PCNX2: variants seen among roughly 807,000 people sequenced by gnomAD.
PCNX2 encodes the protein pecanex-like protein 2.
PCNX2 carries 168 observed loss-of-function variants against 223.8 expected under a neutral mutation model. The observed-to-expected ratio is 0.75, with a 90% CI of 0.66 to 0.85. PCNX2 has a LOEUF of 0.85. PCNX2 is among the 40% of genes least tolerant of loss of function. The pLI is 0.00. For missense variants in PCNX2, 2,507 were observed against 2,675.5 expected (o/e 0.94, Z 1.39); for synonymous variants, 1,006 against 1,052.6 (o/e 0.96, Z 0.86).
chr1:233,270,089 C>T (rs912601282), intron 1 of PCNX2, among the ~76,000 whole-genome samples: 1 of 151,348 alleles, frequency 6.6e-6, no homozygotes, highest in African/African-American at 2.4e-5. Flanking sequence ...ATTCCTTTCA[C>T]AGGTAAATGT....
chr1:233,166,508 G>A (rs1462238347), intron 17 of PCNX2, among the ~76,000 whole-genome samples: 2 of 152,014 alleles, frequency 1.3e-5, no homozygotes, highest in Non-Finnish European at 2.9e-5. Flanking sequence ...ATTCAACAAA[G>A]GACATTTACC....
chr1:232,984,785 G>A (rs1201418128), intron 33 of PCNX2: 1 of 285,118 alleles, frequency 3.5e-6, no homozygotes, highest in Non-Finnish European at 6.6e-6. Context: ...TGTAGTCAGT[G>A]TCACTTCATG....
At chr1:233,229,592 C>G (rs1404116618) in intron 9 of PCNX2, among the ~76,000 whole-genome samples, 1 of 152,112 alleles carries the variant, frequency 6.6e-6, no homozygotes, top group African/African-American at 2.4e-5. Flanking sequence ...GAGGCATAAA[C>G]AGGTCAAGGG....
intron 10 of PCNX2, among the ~76,000 whole-genome samples, chr1:233,220,137 G>T (rs535967136): frequency 6.6e-6 from 1 of 152,110 alleles, no homozygotes; most frequent in African/African-American, 2.4e-5. Flanking sequence ...ATCTCTTATA[G>T]CATCTCATTG....
chr1:233,274,863 G>T (rs561725837), intron 1 of PCNX2, among the ~76,000 whole-genome samples: 1 of 152,296 alleles, frequency 6.6e-6, no homozygotes, highest in South Asian at 2.1e-4. Flanking sequence ...GAAGAGCACA[G>T]AAGGCTAGCG....
At chr1:233,117,025 C>A (rs1675452402) in intron 21 of PCNX2, among the ~76,000 whole-genome samples, 1 of 152,064 alleles carries the variant, frequency 6.6e-6, no homozygotes, top group Admixed American at 6.5e-5. Flanking sequence ...TACAACAGAA[C>A]AATAGTAAAT....
chr1:233,231,734 G>A, intron 9 of PCNX2: 1 of 893,868 alleles, frequency 1.1e-6, no homozygotes, highest in Non-Finnish European at 1.3e-6. Context: ...ACTCAGCACT[G>A]GGAAGGCAGG....
chr1:233,255,709 T>C (rs1416735834), intron 5 of PCNX2, among the ~76,000 whole-genome samples: 1 of 152,186 alleles, frequency 6.6e-6, no homozygotes. Flanking sequence ...AACTGGAGAA[T>C]TGTGTATCTT....
intron 21 of PCNX2, among the ~76,000 whole-genome samples, chr1:233,115,401 G>A (rs1318948359): frequency 6.6e-6 from 1 of 152,118 alleles, no homozygotes; most frequent in African/African-American, 2.4e-5. Flanking sequence ...AAGGGAAACC[G>A]AAAGTCAAGA....
intron 31 of PCNX2, 36 bp from the exon 32 acceptor site, chr1:232,998,474 AAC>A (rs1195191675): frequency 6.3e-7 from 1 of 1,598,436 alleles, no homozygotes; most frequent in East Asian, 2.3e-5. Flanking sequence ...GATTCTCAGC[AAC>A]ACACTTCCAA....
intron 25 of PCNX2, among the ~76,000 whole-genome samples, chr1:233,028,322 C>T (rs2102838198): frequency 6.6e-6 from 1 of 152,292 alleles, no homozygotes; most frequent in South Asian, 2.1e-4. Context: ...CTTATTGAAG[C>T]TATAGTGTTA....
chr1:233,322,610 G>A, the PCNX2 span, among the ~76,000 whole-genome samples: 5 of 152,150 alleles, frequency 3.3e-5, no homozygotes, highest in East Asian at 9.6e-4. Context: ...GAGGGGTAAA[G>A]TCTACCTAAC....
chr1:233,003,234 G>T (rs1255237687), intron 28 of PCNX2, among the ~76,000 whole-genome samples: 3 of 152,016 alleles, frequency 2.0e-5, no homozygotes, highest in African/African-American at 2.4e-5. Context: ...CAGAATGGGA[G>T]AAAATTTTTG....
rs528246823 is a variant in PCNX2 at position 233,005,716 on chromosome 1, G to A, written c.4953-4035C>T. Among the ~76,000 whole-genome samples, 144 of 152,316 alleles carry A rather than the reference G, an allele frequency of 9.5e-4. 1 individual carries two copies. Among genetic ancestry groups the A allele is most frequent in the African/African-American group, 3.2e-3 (135 of 41,574 alleles). On this transcript the variant is annotated intron_variant, in intron 28 of 33. Transcript: ENST00000258229. The stretch of plus-strand genomic sequence containing the variant: ...GGTGGTGAGCTGTGACAAGCCAAGC[G>A]GGGGTGGCGGGCAGCAGAGGTCCGC...
rs1669492505 is a variant in PCNX2, at chr1:232,986,525, C to T, written c.5807G>A (p.Arg1936Lys). ...TGAGTGTGCCTGCACGGACTGGCTC[C>T]TGCCTTTCCTCCTGCCTTTAAAAGA... is the stretch of plus-strand genomic sequence containing the variant. Reference protein sequence around the residue: ...GTQRTGRRKGRSQSVQAHSAL... With the variant: ...GTQRTGRRKGKSQSVQAHSAL... Residue 1936 changes from arginine to lysine, a missense_variant, in exon 33 of 34, where the codon AGG (arginine) becomes AAG (lysine). Physicochemically the swap from Arg to Lys is conservative, Grantham distance 26 (BLOSUM62 2). Coordinates refer to ENST00000258229, the MANE Select transcript of PCNX2 (RefSeq NM_014801.4). 6.5e-7 allele frequency: 1 copy of T among 1,530,130 alleles called. No homozygotes were observed. Among genetic ancestry groups the T allele is most frequent in the East Asian group, 2.3e-5 (1 of 43,752 alleles). The allele number at this position is 1,530,130 out of a possible 1,614,324, so 94.8% of individuals were successfully genotyped here.
At chr1:233,268,019 C>T (rs926311594) in intron 1 of PCNX2, among the ~76,000 whole-genome samples, 1 of 152,132 alleles carries the variant, frequency 6.6e-6, no homozygotes, top group African/African-American at 2.4e-5. Context: ...TGAAGCAATT[C>T]TCCTGCCTCA....
chr1:233,215,194 T>C (rs887331978), intron 12 of PCNX2, among the ~76,000 whole-genome samples: 2 of 152,174 alleles, frequency 1.3e-5, no homozygotes, highest in Non-Finnish European at 2.9e-5. Flanking sequence ...TATCTACAAA[T>C]GGGAGGTAAT....
At chr1:233,179,262 G>A in intron 15 of PCNX2, 87 bp from the exon 16 acceptor site, 4 of 1,353,626 alleles carry the variant, frequency 3.0e-6, no homozygotes, top group South Asian at 2.5e-5. Context: ...TATCCCCAAG[G>A]TCCAGCTGGA....
chr1:233,290,665 T>C (rs1661709638), intron 1 of PCNX2: 1 of 850,564 alleles, frequency 1.2e-6, no homozygotes, highest in Non-Finnish European at 1.4e-6. Flanking sequence ...ACTATTTGCC[T>C]AGTGCTATGC....
Sources: allele counts gnomAD v4.1 joint callset (sites outside exome capture counted in the v4.1 genomes callset), GRCh38; gene constraint gnomAD v4.1.1; transcripts MANE v1.5; gene names NCBI Gene and HGNC (gene_info 2026-07-23, HGNC 2026-07-21).